TRAPPC9: variants seen among roughly 807,000 people sequenced by gnomAD.
TRAPPC9 encodes the protein trafficking protein particle complex subunit 9.
TRAPPC9 carries 83 observed loss-of-function variants against 124.0 expected under a neutral mutation model. The ratio of observed to expected loss-of-function variants is 0.67; its 90% CI spans 0.56 to 0.80. The LOEUF (loss-of-function observed/expected upper bound fraction) is 0.80, where lower values mean the gene tolerates loss of function less well. Among genes scored for constraint, TRAPPC9 ranks in the 30% least tolerant of loss-of-function variants. The pLI is 0.00. For synonymous variants in TRAPPC9, 638 were observed against 617.5 expected (o/e 1.03, Z -0.49); for missense variants, 1,302 against 1,508.3 (o/e 0.86, Z 2.27).
In TRAPPC9 at chr8:139,924,693, G is replaced by A. The variant is rs147989773; in HGVS notation, c.2811-14393C>T. Among the ~76,000 whole-genome samples the A allele has an allele frequency of 7.9e-5, 12 of 152,232 alleles. No individual in the cohort carries two copies. The South Asian group carries it at 1.2e-3, about 16-fold the overall frequency. ...TCCCACCCCCAGGAACCAAGCCCTCGCTATACCCATCAGTCTGTGCTCACA... is the reference window on the plus strand; with the variant it reads ...TCCCACCCCCAGGAACCAAGCCCTCACTATACCCATCAGTCTGTGCTCACA... On this transcript the variant is annotated intron_variant, in intron 19 of 22. Transcript: ENST00000438773.
intron 19 of TRAPPC9, among the ~76,000 whole-genome samples, chr8:139,937,725 G>A (rs969498605): frequency 2.0e-5 from 3 of 152,318 alleles, no homozygotes; most frequent in Middle Eastern, 3.4e-3. Context: ...CTTGGAAGGC[G>A]CAGTGTGAAG....
rs74333734 is a variant in TRAPPC9 at position 140,177,519 on chromosome 8, T to A, written c.2556+43940A>T. On this transcript the variant is annotated intron_variant, in intron 17 of 22. Transcript: ENST00000438773. ...TTCCATTAATCTATGTTTATCCTTA[T>A]GCCAATATCACACTGTGTTAATTAC... is the stretch of plus-strand genomic sequence containing the variant. Among the ~76,000 whole-genome samples the A allele has an allele frequency of 5.2e-3, 793 of 152,294 alleles. 15 individuals are homozygous for A. In the East Asian group the frequency reaches 0.064, roughly 12 times the overall value.
intron 17 of TRAPPC9, among the ~76,000 whole-genome samples, chr8:140,037,873 A>C: frequency 2.8e-5 from 3 of 107,114 alleles, no homozygotes; most frequent in Non-Finnish European, 4.2e-5. Context: ...CCCAACACAC[A>C]CCTCCAACAC....
intron 7 of TRAPPC9, among the ~76,000 whole-genome samples, chr8:140,393,738 A>T (rs2132360722): frequency 6.6e-6 from 1 of 152,348 alleles, no homozygotes; most frequent in South Asian, 2.1e-4. Flanking sequence ...GATACAACTC[A>T]TCAATTCTAC....
intron 16 of TRAPPC9, among the ~76,000 whole-genome samples, chr8:140,233,623 CCACACA>C (rs35452775): frequency 2.2e-5 from 2 of 90,848 alleles, no homozygotes; most frequent in South Asian, 4.1e-4. Flanking sequence ...TCTCTCCCCA[CCACACA>C]CACACACACA....
intron 17 of TRAPPC9, among the ~76,000 whole-genome samples, chr8:140,082,941 T>C (rs928881277): frequency 1.3e-5 from 2 of 152,188 alleles, no homozygotes; most frequent in African/African-American, 4.8e-5. Flanking sequence ...ACGCCTGTAA[T>C]CCCAGCACTT....
At chr8:140,350,389 A>G (rs2067523392) in intron 9 of TRAPPC9, among the ~76,000 whole-genome samples, 1 of 152,224 alleles carries the variant, frequency 6.6e-6, no homozygotes, top group Non-Finnish European at 1.5e-5. Flanking sequence ...TTAGCAAACC[A>G]GATGGGGAAG....
intron 17 of TRAPPC9, among the ~76,000 whole-genome samples, chr8:140,038,849 T>C (rs866863506): frequency 3.3e-5 from 5 of 152,300 alleles, no homozygotes; most frequent in South Asian, 4.1e-4. Flanking sequence ...GGAGCCTCCA[T>C]AGGATGCAAG....
At chr8:139,909,112 C>T (rs900998922) in intron 20 of TRAPPC9, among the ~76,000 whole-genome samples, 3 of 151,292 alleles carry the variant, frequency 2.0e-5, no homozygotes, top group Admixed American at 1.3e-4. Flanking sequence ...AGGACACTTT[C>T]GGAATCCAGG....
chr8:140,135,862 GT>G (rs1187321780), intron 17 of TRAPPC9, among the ~76,000 whole-genome samples: 2 of 152,222 alleles, frequency 1.3e-5, no homozygotes, highest in Non-Finnish European at 1.5e-5. Context: ...AGAAGCAGTG[GT>G]TGGTTCAGGG....
At chr8:139,806,059 G>A (rs1196845279) in intron 21 of TRAPPC9, 2 of 152,198 alleles carry the variant, frequency 1.3e-5, no homozygotes, top group Non-Finnish European at 2.9e-5. Flanking sequence ...AGAACGGGGC[G>A]TTAATTGAGA....
chr8:140,168,431 C>T (rs1412335605), intron 17 of TRAPPC9, among the ~76,000 whole-genome samples: 1 of 152,192 alleles, frequency 6.6e-6, no homozygotes, highest in Non-Finnish European at 1.5e-5. Flanking sequence ...CACCCAGGAC[C>T]TGAAAATCAC....
intron 19 of TRAPPC9, among the ~76,000 whole-genome samples, chr8:139,948,707 GC>G (rs1834436012): frequency 6.6e-6 from 1 of 152,170 alleles, no homozygotes; most frequent in Admixed American, 6.5e-5. Flanking sequence ...CAGGCCTCAC[GC>G]ACAGGTGCCC....
intron 2 of TRAPPC9, among the ~76,000 whole-genome samples, chr8:140,447,136 A>G (rs559618791): frequency 3.9e-5 from 6 of 152,322 alleles, no homozygotes; most frequent in African/African-American, 1.4e-4. Flanking sequence ...CGCCTAAATC[A>G]ATTAGCAATT....
chr8:140,042,529 C>T (rs1418437950), intron 17 of TRAPPC9, among the ~76,000 whole-genome samples: 1 of 152,166 alleles, frequency 6.6e-6, no homozygotes, highest in Non-Finnish European at 1.5e-5. Context: ...CCCACTTTTT[C>T]AGCTGAGATA....
In TRAPPC9 at chr8:139,973,579, T is replaced by C. The variant is rs147470114; in HGVS notation, c.2810+15147A>G. The stretch of plus-strand genomic sequence containing the variant: ...AGAGAAGAGGGAATAGTAACGGAAA[T>C]AAAAATCACTGAGAAATTTCTATGA... On this transcript the variant is annotated intron_variant, in intron 19 of 22. Coordinates refer to ENST00000438773, the MANE Select transcript of TRAPPC9 (RefSeq NM_001160372.4). Among the ~76,000 whole-genome samples, 417 of 152,198 alleles carry C rather than the reference T, an allele frequency of 2.7e-3. 1 individual carries two copies. Among genetic ancestry groups the C allele is most frequent in the Middle Eastern group, 0.02 (6 of 294 alleles).
At chr8:140,277,206 G>A (rs2065155317) in intron 14 of TRAPPC9, among the ~76,000 whole-genome samples, 1 of 152,236 alleles carries the variant, frequency 6.6e-6, no homozygotes, top group Admixed American at 6.5e-5. Context: ...AGCTCATGGT[G>A]CCGGGCACGT....
At chr8:140,080,536 A>G (rs1207659591) in intron 17 of TRAPPC9, among the ~76,000 whole-genome samples, 1 of 152,258 alleles carries the variant, frequency 6.6e-6, no homozygotes, top group Non-Finnish European at 1.5e-5. Flanking sequence ...AGAGACGTGC[A>G]TAAGGAGTGA....
chr8:140,310,149 T>C (rs1044051016), intron 10 of TRAPPC9, among the ~76,000 whole-genome samples: 1 of 152,240 alleles, frequency 6.6e-6, no homozygotes, highest in African/African-American at 2.4e-5. Context: ...CACATGCTTT[T>C]ACATGTTACT....
Sources: gnomAD v4.1 joint callset for allele counts (sites outside exome capture counted in the v4.1 genomes callset) on GRCh38, gnomAD v4.1.1 for gene constraint, MANE v1.5 for transcripts, NCBI Gene and HGNC (gene_info 2026-07-23, HGNC 2026-07-21) for gene names.